Variants in PCNX2 observed in about 807,000 individuals in gnomAD.
PCNX2 encodes the protein pecanex 2, also known as pecanex-like protein 2.
A neutral mutation model predicts 223.8 loss-of-function variants in PCNX2; 168 were observed. That is an observed-to-expected ratio of 0.75 (90% CI 0.66 to 0.85). The LOEUF (loss-of-function observed/expected upper bound fraction) is 0.85. Ranked by LOEUF, PCNX2 falls within the 40% of genes least tolerant of loss-of-function variation. The pLI is 0.00. For synonymous variants in PCNX2, 1,006 were observed against 1,052.6 expected (o/e 0.96, Z 0.86); for missense variants, 2,507 against 2,675.5 (o/e 0.94, Z 1.39).
intron 25 of PCNX2, among the ~76,000 whole-genome samples, chr1:233,027,554 A>G (rs1429004074): frequency 2.0e-5 from 3 of 151,912 alleles, no homozygotes; most frequent in Non-Finnish European, 4.4e-5. Flanking sequence ...TAGACATCCA[A>G]CTCTTATCTC....
the PCNX2 span, among the ~76,000 whole-genome samples, chr1:233,305,428 T>C: frequency 6.6e-6 from 1 of 152,148 alleles, no homozygotes; most frequent in Admixed American, 6.6e-5. Context: ...ACTAAAATAT[T>C]AAATTTCATT....
In PCNX2 at chr1:232,996,153, C is replaced by T. The variant is rs1669867044; in HGVS notation, c.5791+2098G>A. Among the ~76,000 whole-genome samples the T allele has an allele frequency of 3.3e-5, 5 of 152,316 alleles. No individual in the cohort carries two copies. In the South Asian group the frequency reaches 1.0e-3, roughly 32 times the overall value. On this transcript the variant is annotated intron_variant, in intron 32 of 33. Coordinates refer to ENST00000258229, the MANE Select transcript of PCNX2 (RefSeq NM_014801.4). ...CTGGGATTATAGGTGTGCACCACAG[C>T]ACCCGGCCTCCAATTTCTTTTCTGC...
Position 233,002,070 on chromosome 1 carries a change from G to A in PCNX2, c.4953-389C>T, listed in dbSNP as rs180925339. Among the ~76,000 whole-genome samples, 290 of 152,286 alleles carry A rather than the reference G, an allele frequency of 1.9e-3. 2 individuals are homozygous for A. The highest frequency in any genetic ancestry group is 3.4e-3 in the Middle Eastern group (1 of 294). Reference sequence around the variant, plus strand: ...CTCCCCAGAGACGATGATGCTAACCGTGGAGTAATGCAGGAGACTTTCTTC... The same window carrying A: ...CTCCCCAGAGACGATGATGCTAACCATGGAGTAATGCAGGAGACTTTCTTC... On this transcript the variant is annotated intron_variant, in intron 28 of 33. Coordinates refer to ENST00000258229, the MANE Select transcript of PCNX2 (RefSeq NM_014801.4).
chr1:233,291,989 T>C (rs1661792394), intron 1 of PCNX2: 1 of 985,074 alleles, frequency 1.0e-6, no homozygotes, highest in African/African-American at 1.7e-5. Flanking sequence ...TGTTTTCAGT[T>C]GTACATTTCC....
At chr1:233,300,784 A>C in the PCNX2 span, among the ~76,000 whole-genome samples, 1 of 152,146 alleles carries the variant, frequency 6.6e-6, no homozygotes, top group East Asian at 1.9e-4. Context: ...CTGGACAAGG[A>C]GTAGCTGACT....
chr1:233,262,668 T>C (rs956809991), intron 2 of PCNX2, among the ~76,000 whole-genome samples: 9 of 152,124 alleles, frequency 5.9e-5, no homozygotes, highest in African/African-American at 1.9e-4. Context: ...AATAACAACA[T>C]TAAAAGCAGT....
At chr1:233,148,508 C>T (rs1456630997) in intron 19 of PCNX2, among the ~76,000 whole-genome samples, 2 of 151,636 alleles carry the variant, frequency 1.3e-5, no homozygotes, top group African/African-American at 4.8e-5. Context: ...TCTTGGCTCA[C>T]TGCAACCTCT....
chr1:233,171,024 G>C (rs1040526686), intron 17 of PCNX2, among the ~76,000 whole-genome samples: 3 of 152,088 alleles, frequency 2.0e-5, no homozygotes, highest in African/African-American at 7.2e-5. Flanking sequence ...TTCAGGTTTT[G>C]GATTTTTGAA....
Position 233,126,880 on chromosome 1 carries a change from T to A in PCNX2, c.3837+8133A>T, listed in dbSNP as rs1459067196. 6.6e-6 allele frequency among the ~76,000 whole-genome samples: 1 copy of A among 152,112 alleles called. No homozygotes were observed. The highest frequency in any genetic ancestry group is 2.4e-5 in the African/African-American group (1 of 41,424). ...ATCTAGTTAATGACACCCCCTTTCA[T>A]CTAGTCACTGAAGTATGCTGAGAGC... is the stretch of plus-strand genomic sequence containing the variant. On this transcript the variant is annotated intron_variant, in intron 21 of 33. Transcript: ENST00000258229. This position sits in a 1 kb window ranked among gnomAD's most constrained non-coding sequence, Gnocchi z 4.8.
rs367916593 is a variant in PCNX2 at position 232,997,179 on chromosome 1, G to A, written c.5791+1072C>T. Among the ~76,000 whole-genome samples the A allele has an allele frequency of 6.9e-3, 1,046 of 152,278 alleles. 9 individuals carry two copies. The highest frequency in any genetic ancestry group is 8.9e-3 in the Non-Finnish European group (602 of 68,020). ...ACCCTCTTTGGAAAAAGTAGCCACA[G>A]TTGGGTCTGTCGCTTGTGTCCTTTT... On this transcript the variant is annotated intron_variant, in intron 32 of 33. Transcript: ENST00000258229.
At chr1:233,259,828 TA>T (rs1353556792) in intron 4 of PCNX2, 1 of 894,256 alleles carries the variant, frequency 1.1e-6, no homozygotes, top group Non-Finnish European at 1.3e-6. Flanking sequence ...ACTTATTTTT[TA>T]AAATAACACT....
intron 25 of PCNX2, among the ~76,000 whole-genome samples, chr1:233,035,194 T>C (rs1440180663): frequency 2.0e-5 from 3 of 152,172 alleles, no homozygotes; most frequent in Non-Finnish European, 2.9e-5. Flanking sequence ...ATTGAGAACA[T>C]TGCCATTAAA....
intron 1 of PCNX2, among the ~76,000 whole-genome samples, chr1:233,283,089 G>A (rs932805893): frequency 2.0e-5 from 3 of 151,002 alleles, no homozygotes; most frequent in Non-Finnish European, 2.9e-5. Context: ...TGTCTATGGT[G>A]GTGTTATGGG....
At chr1:233,232,936 A>C in intron 9 of PCNX2, 2 of 984,876 alleles carry the variant, frequency 2.0e-6, no homozygotes, top group Non-Finnish European at 2.4e-6. Context: ...AAACACTTTC[A>C]CATACAATAC....
intron 14 of PCNX2, 48 bp downstream of exon 14, chr1:233,200,106 C>A: frequency 7.0e-7 from 1 of 1,427,404 alleles, no homozygotes; most frequent in Non-Finnish European, 9.6e-7. Context: ...TAGTCCTTAT[C>A]TGAACTCTGA....
chr1:233,189,479 A>C (rs1426722585), intron 15 of PCNX2, among the ~76,000 whole-genome samples: 2 of 152,138 alleles, frequency 1.3e-5, no homozygotes, highest in Admixed American at 1.3e-4. Context: ...AAATTACTTA[A>C]TCTCTCTTTG....
At chr1:233,100,688 C>A (rs1489000535) in intron 21 of PCNX2, among the ~76,000 whole-genome samples, 1 of 152,198 alleles carries the variant, frequency 6.6e-6, no homozygotes, top group Non-Finnish European at 1.5e-5. Flanking sequence ...AGACACCCCT[C>A]CCACACACAC....
At chr1:233,221,205 T>C (rs980179011) in intron 10 of PCNX2, among the ~76,000 whole-genome samples, 19 of 151,818 alleles carry the variant, frequency 1.3e-4, no homozygotes, top group African/African-American at 4.6e-4. Flanking sequence ...TTTTTTTTAA[T>C]CGGGGGAAAC....
intron 19 of PCNX2, among the ~76,000 whole-genome samples, chr1:233,159,209 G>A (rs1165309660): frequency 6.6e-6 from 1 of 152,138 alleles, no homozygotes; most frequent in Non-Finnish European, 1.5e-5. Flanking sequence ...GAACAAGCCA[G>A]TTTTTCTACT....
Sources: gnomAD v4.1 joint callset for allele counts (sites outside exome capture counted in the v4.1 genomes callset) on GRCh38, gnomAD v4.1.1 for gene constraint, Gnocchi (gnomAD v3.1) non-coding constraint, MANE v1.5 for transcripts, NCBI Gene and HGNC (gene_info 2026-07-23, HGNC 2026-07-21) for gene names.